SPIDR: variants seen among roughly 807,000 people sequenced by gnomAD.
SPIDR encodes DNA repair-scaffolding protein.
SPIDR carries 93 observed loss-of-function variants against 104.6 expected under a neutral mutation model. That is an observed-to-expected ratio of 0.89 (90% CI 0.75 to 1.06). The LOEUF is 1.06. SPIDR is among the 50% of genes least tolerant of loss of function. The pLI is 0.00. For synonymous variants in SPIDR, 431 were observed against 416.9 expected, an observed-to-expected ratio of 1.03 and a Z score of -0.41; for missense variants, 1,154 against 1,111.2, an observed-to-expected ratio of 1.04 and a Z score of -0.55.
chr8:47,439,437 G>A (rs1242746734), intron 7 of SPIDR, among the ~76,000 whole-genome samples: 3 of 151,972 alleles, frequency 2.0e-5, no homozygotes, highest in Non-Finnish European at 2.9e-5. Flanking sequence ...ATTCTTAGAC[G>A]TCTACTTCAC....
At chr8:47,333,974 A>C (rs562658901) in intron 5 of SPIDR, among the ~76,000 whole-genome samples, 1 of 152,190 alleles carries the variant, frequency 6.6e-6, no homozygotes, top group Non-Finnish European at 1.5e-5. Flanking sequence ...AATTTTGGTA[A>C]GTTGTGTATT....
At chr8:47,448,495 A>T (rs2071102890) in intron 8 of SPIDR, among the ~76,000 whole-genome samples, 2 of 152,188 alleles carry the variant, frequency 1.3e-5, no homozygotes, top group Admixed American at 1.3e-4. Flanking sequence ...GCCCTTAAGG[A>T]GCTCACAGTG....
chr8:47,581,285 C>A (rs1274010967), intron 8 of SPIDR, among the ~76,000 whole-genome samples: 1 of 152,086 alleles, frequency 6.6e-6, no homozygotes, highest in Non-Finnish European at 1.5e-5. Flanking sequence ...TTCAGTAAAT[C>A]TAGTGAAAAA....
chr8:47,420,982 G>A (rs1026932911), intron 7 of SPIDR, among the ~76,000 whole-genome samples: 1 of 152,250 alleles, frequency 6.6e-6, no homozygotes, highest in African/African-American at 2.4e-5. Flanking sequence ...GATGTCAGCT[G>A]TTAGTCTGAT....
chr8:47,588,027 A>G (rs1278812188), intron 8 of SPIDR, among the ~76,000 whole-genome samples: 100 of 1,126 alleles, frequency 0.089, 1 homozygote, highest in South Asian at 0.15. Flanking sequence ...TAAAATTAGC[A>G]TATATATATA....
intron 8 of SPIDR, among the ~76,000 whole-genome samples, chr8:47,505,624 G>T (rs748661073): frequency 2.0e-5 from 3 of 152,174 alleles, no homozygotes; most frequent in Non-Finnish European, 4.4e-5. Flanking sequence ...CTCATGCTCG[G>T]TCCGCTGCGC....
chr8:47,589,242 C>T (rs974952906), intron 8 of SPIDR, among the ~76,000 whole-genome samples: 8 of 151,710 alleles, frequency 5.3e-5, no homozygotes, highest in Non-Finnish European at 8.8e-5. Flanking sequence ...CAAATTTGGC[C>T]GGGCATGGTG....
intron 8 of SPIDR, among the ~76,000 whole-genome samples, chr8:47,537,752 C>G (rs1008047645): frequency 1.3e-5 from 2 of 152,136 alleles, no homozygotes; most frequent in African/African-American, 4.8e-5. Flanking sequence ...ATAAATGTAT[C>G]ACATTAATGC....
intron 8 of SPIDR, among the ~76,000 whole-genome samples, chr8:47,495,890 T>G (rs1031389309): frequency 6.6e-6 from 1 of 152,196 alleles, no homozygotes; most frequent in Non-Finnish European, 1.5e-5. Context: ...TCTGTCCTTA[T>G]GCCACTATTG....
intron 5 of SPIDR, among the ~76,000 whole-genome samples, chr8:47,308,883 T>C (rs1007150392): frequency 7.9e-5 from 12 of 152,256 alleles, no homozygotes; most frequent in African/African-American, 2.9e-4. Flanking sequence ...AATGGATAGC[T>C]GCTACTGTGC....
At chr8:47,372,642 A>T (rs2058174907) in intron 5 of SPIDR, among the ~76,000 whole-genome samples, 1 of 152,132 alleles carries the variant, frequency 6.6e-6, no homozygotes, top group Non-Finnish European at 1.5e-5. Context: ...AATGATAATA[A>T]TAATAATAAT....
intron 5 of SPIDR, among the ~76,000 whole-genome samples, chr8:47,347,111 G>A (rs1224573645): frequency 6.6e-6 from 1 of 152,176 alleles, no homozygotes; most frequent in Non-Finnish European, 1.5e-5. Context: ...TCTACACACT[G>A]CTTTAAATGT....
At chr8:47,351,081 AGTGCTGT>A (rs1354233234) in intron 5 of SPIDR, among the ~76,000 whole-genome samples, 1 of 152,182 alleles carries the variant, frequency 6.6e-6, no homozygotes, top group Admixed American at 6.5e-5. Flanking sequence ...ACAACATCTC[AGTGCTGT>A]GTTCACGTCA....
chr8:47,269,083 C>T (rs1586081688), intron 1 of SPIDR, among the ~76,000 whole-genome samples: 1 of 151,292 alleles, frequency 6.6e-6, no homozygotes, highest in Admixed American at 6.6e-5. Context: ...AAGAGGATTG[C>T]TTGAGCCGAG....
At chr8:47,550,794 T>A (rs1240136124) in intron 8 of SPIDR, among the ~76,000 whole-genome samples, 1 of 152,202 alleles carries the variant, frequency 6.6e-6, no homozygotes, top group East Asian at 1.9e-4. Flanking sequence ...GGCCAGAACT[T>A]CCAACACTAT....
chr8:47,345,949 C>CT (rs1210522367), intron 5 of SPIDR, among the ~76,000 whole-genome samples: 3 of 152,088 alleles, frequency 2.0e-5, no homozygotes, highest in African/African-American at 7.2e-5. Context: ...ATTGAAAACC[C>CT]TTTATTTCTT....
chr8:47,504,334 C>G (rs1208781367), intron 8 of SPIDR, among the ~76,000 whole-genome samples: 1 of 151,944 alleles, frequency 6.6e-6, no homozygotes, highest in African/African-American at 2.4e-5. Context: ...TTGTTCGTTT[C>G]TTTTTTTTCT....
chr8:47,337,617 T>C (rs1339083770), intron 5 of SPIDR, among the ~76,000 whole-genome samples: 8 of 151,884 alleles, frequency 5.3e-5, no homozygotes, highest in Admixed American at 2.0e-4. Context: ...TTGCTGCTGC[T>C]TTTTGTGTCA....
At chr8:47,554,682 C>T (rs889922369) in intron 8 of SPIDR, among the ~76,000 whole-genome samples, 8 of 152,262 alleles carry the variant, frequency 5.3e-5, no homozygotes, top group Middle Eastern at 3.4e-3. Context: ...GGGAATTCCC[C>T]GACCCCTTGC....
Sources: gnomAD v4.1 joint callset for allele counts (sites outside exome capture counted in the v4.1 genomes callset) on GRCh38, gnomAD v4.1.1 for gene constraint, MANE v1.5 for transcripts, NCBI Gene and HGNC (gene_info 2026-07-23, HGNC 2026-07-21) for gene names.